The following ACBD3 variants were observed in gnomAD, a reference collection of about 807,000 sequenced individuals.
The protein encoded by ACBD3 is Golgi resident protein GCP60.
ACBD3 carries 30 observed loss-of-function variants against 66.9 expected under a neutral mutation model. The ratio of observed to expected loss-of-function variants is 0.45; its 90% CI spans 0.34 to 0.61. The LOEUF is 0.61. Ranked by LOEUF, ACBD3 falls within the 20% of genes least tolerant of loss-of-function variation. ACBD3 has a pLI of 0.02. For synonymous variants in ACBD3, 278 were observed against 259.8 expected (o/e 1.07, Z -0.68); for missense variants, 544 against 664.5 (o/e 0.82, Z 1.99).
chr1:226,178,949 T>G (rs1000531033), intron 1 of ACBD3, among the ~76,000 whole-genome samples: 2 of 152,186 alleles, frequency 1.3e-5, no homozygotes, highest in African/African-American at 4.8e-5. Flanking sequence ...ACAGGGTTTA[T>G]TTCCTGTCCT....
intron 2 of ACBD3, among the ~76,000 whole-genome samples, chr1:226,165,436 GC>G (rs1446841157): frequency 1.3e-5 from 2 of 152,104 alleles, no homozygotes; most frequent in African/African-American, 4.8e-5. Flanking sequence ...CTCCCAAAGT[GC>G]CGGGATTACA....
At chr1:226,150,276 T>C (rs1659545528) in intron 7 of ACBD3, among the ~76,000 whole-genome samples, 1 of 152,114 alleles carries the variant, frequency 6.6e-6, no homozygotes, top group South Asian at 2.1e-4. Context: ...ACAAAACGGG[T>C]TGCCCAGACT....
At position 226,176,429 on chromosome 1, in the gene ACBD3, CAAAAAAAAA is replaced by C. The variant is rs34313392; in HGVS notation, c.286+9952_286+9960del. Among the ~76,000 whole-genome samples the C allele has an allele frequency of 3.6e-5, 3 of 83,362 alleles. No individual in the cohort carries two copies. The Admixed American group carries it at 4.5e-4, about 12-fold the overall frequency. 54.7% of individuals were successfully genotyped at this position (83,362 alleles called of 152,430 possible). On this transcript the variant is annotated intron_variant, in intron 1 of 7. Transcript: ENST00000366812. ...TGGGCTACAGAGCGAGACTCCGTCT[CAAAAAAAAA>C]AAAAAAAAAAAGCTTTCAGGTGCTC... is the stretch of plus-strand genomic sequence containing the variant.
chr1:226,174,495 TG>T (rs1558130384), intron 1 of ACBD3, among the ~76,000 whole-genome samples: 1 of 152,202 alleles, frequency 6.6e-6, no homozygotes, highest in Non-Finnish European at 1.5e-5. Context: ...CCAGGTGTGG[TG>T]GCTCACGCCT....
intron 1 of ACBD3, among the ~76,000 whole-genome samples, chr1:226,173,202 T>C (rs923107950): frequency 3.9e-5 from 6 of 152,064 alleles, no homozygotes; most frequent in African/African-American, 7.2e-5. Flanking sequence ...ATCTTGGGCA[T>C]TGAGACTGTG....
Position 226,152,595 on chromosome 1 carries a change from G to A in ACBD3, c.1115C>T (p.Pro372Leu), listed in dbSNP as rs1206720845. 1 of 1,613,946 alleles carries A rather than the reference G, an allele frequency of 6.2e-7. No individual in the cohort carries two copies. Among genetic ancestry groups the A allele is most frequent in the Non-Finnish European group, 8.5e-7 (1 of 1,179,982 alleles). ...PKESLPVIAA[P>L]SMWTRPQIKD... The stretch of plus-strand genomic sequence containing the variant: ...GATCTGAGGTCGTGTCCACATGGAT[G>A]GAGCTGCTATTACTGGAAGAGATTC... The change falls in exon 7 of 8, where the codon CCA (proline) becomes CTA (leucine). Residue 372 changes from proline (P) to leucine (L), a missense_variant. Physicochemically the swap from Pro to Leu is moderately conservative, Grantham distance 98. Around this residue, in one of 3 missense-constraint regions of ACBD3, gnomAD observed 383 missense variants for 462.4 expected, o/e 0.83. Coordinates refer to ENST00000366812, the MANE Select transcript of ACBD3 (RefSeq NM_022735.4).
intron 1 of ACBD3, among the ~76,000 whole-genome samples, chr1:226,166,374 C>T (rs1659878537): frequency 6.6e-6 from 1 of 151,578 alleles, no homozygotes; most frequent in Non-Finnish European, 1.5e-5. Flanking sequence ...CTCAAGCAAG[C>T]CTCTCGTCTT....
At chr1:226,163,153 CAAG>C (rs1387301709) in intron 3 of ACBD3, among the ~76,000 whole-genome samples, 2 of 152,098 alleles carry the variant, frequency 1.3e-5, no homozygotes, top group Non-Finnish European at 2.9e-5. Context: ...TGGTACAGAG[CAAG>C]AAGGTTCACA....
In ACBD3 at chr1:226,186,683, T is replaced by G. The variant is rs1656327255; in HGVS notation, c.-8A>C. 2.0e-6 allele frequency: 3 copies of G among 1,492,354 alleles called. No homozygotes were observed. Among genetic ancestry groups the G allele is most frequent in the South Asian group, 1.3e-5 (1 of 80,000 alleles). 92.4% of individuals were successfully genotyped at this position (1,492,354 alleles called of 1,614,324 possible). A position where few individuals can be genotyped will look rare whatever the true frequency, so the allele number is the denominator to read the frequency against. On this transcript the variant is annotated 5_prime_UTR_variant, in exon 1 of 8. Transcript: ENST00000366812. ...GTTCAGCACCGCCGCCATCTCCGGCTGCTGCACCTCCTCAGCGGGGACAGA... is the reference window on the plus strand; with the variant it reads ...GTTCAGCACCGCCGCCATCTCCGGCGGCTGCACCTCCTCAGCGGGGACAGA...
Position 226,145,688 on chromosome 1 carries a change from A to G in ACBD3, c.*922T>C, listed in dbSNP as rs575358684. ...TAGACTGTCTCTGGCAGTGATTTCCATATTAGTGCAATGTTACTTCCCATA... is the reference window on the plus strand; with the variant it reads ...TAGACTGTCTCTGGCAGTGATTTCCGTATTAGTGCAATGTTACTTCCCATA... On this transcript the variant is annotated 3_prime_UTR_variant, in exon 8 of 8. Coordinates refer to ENST00000366812, the MANE Select transcript of ACBD3 (RefSeq NM_022735.4). The G allele has an allele frequency of 6.5e-6, 1 of 152,782 alleles. No individual in the cohort carries two copies. The highest frequency in any genetic ancestry group is 1.5e-5 in the Non-Finnish European group (1 of 68,032). 9.5% of individuals were successfully genotyped at this position (152,782 alleles called of 1,614,324 possible). A position where few individuals can be genotyped will look rare whatever the true frequency, so the allele number is the denominator to read the frequency against.
At chr1:226,184,954 C>CAAAAAAAA (rs56165469) in intron 1 of ACBD3, among the ~76,000 whole-genome samples, 1 of 91,184 alleles carries the variant, frequency 1.1e-5, no homozygotes. Flanking sequence ...GACTCCAGCT[C>CAAAAAAAA]AAAAAAAAAA....
At chr1:226,170,368 G>T (rs1408944963) in intron 1 of ACBD3, among the ~76,000 whole-genome samples, 2 of 144,720 alleles carry the variant, frequency 1.4e-5, no homozygotes, top group Non-Finnish European at 3.0e-5. Context: ...TAGAGACGGG[G>T]TTTCACCATG....
chr1:226,156,907 G>T (rs926534703), intron 5 of ACBD3, among the ~76,000 whole-genome samples: 5 of 152,052 alleles, frequency 3.3e-5, no homozygotes, highest in Non-Finnish European at 7.4e-5. Context: ...TTCTTGAAAG[G>T]CTCTAGCAGA....
chr1:226,154,867 C>G (rs755306290), intron 5 of ACBD3, 34 bp from the exon 6 acceptor site: 1 of 1,552,434 alleles, frequency 6.4e-7, no homozygotes, highest in South Asian at 1.2e-5. Context: ...ACACACTGAC[C>G]AGGAAGGCTA....
In ACBD3 at chr1:226,154,731, CA is replaced by C; in HGVS notation, c.1005del (p.Asn335LysfsTer34). 6.2e-7 allele frequency: 1 copy of C among 1,613,904 alleles called. No individual in the cohort carries two copies. Among genetic ancestry groups the C allele is most frequent in the Non-Finnish European group, 8.5e-7 (1 of 1,179,880 alleles). On this transcript the variant is annotated frameshift_variant, in exon 6 of 8. Coordinates refer to ENST00000366812, the MANE Select transcript of ACBD3 (RefSeq NM_022735.4). LOFTEE classifies it high-confidence loss of function. ...CTGTCAGTGTGTGTTTTGGCCTGTC[CA>C]TTAACTGACATCATATTACTTGGTA... The part of the protein sequence containing the change: ...ATVPSNMMSV[N>X]GQAKTHTDSS...
At chr1:226,180,104 G>T (rs1199013303) in intron 1 of ACBD3, among the ~76,000 whole-genome samples, 2 of 151,058 alleles carry the variant, frequency 1.3e-5, no homozygotes, top group African/African-American at 2.4e-5. Flanking sequence ...CTAGGAGGCG[G>T]AGGTTGCAGT....
intron 7 of ACBD3, 76 bp downstream of exon 7, chr1:226,152,259 G>A: frequency 6.5e-7 from 1 of 1,545,652 alleles, no homozygotes; most frequent in Non-Finnish European, 8.8e-7. Flanking sequence ...GCATAAGGCT[G>A]GGTGACACCT....
intron 7 of ACBD3, 27 bp downstream of exon 7, chr1:226,152,304 GCAGC>G: frequency 6.2e-7 from 1 of 1,607,864 alleles, no homozygotes; most frequent in Non-Finnish European, 8.5e-7. Context: ...ACACAACCCA[GCAGC>G]TACTGAATAT....
At chr1:226,184,436 T>C (rs546871424) in intron 1 of ACBD3, among the ~76,000 whole-genome samples, 2 of 152,302 alleles carry the variant, frequency 1.3e-5, no homozygotes, top group East Asian at 3.9e-4. Context: ...TGTAGCTTTA[T>C]TCTCTAAGGT....
Sources: gnomAD v4.1 joint callset for allele counts (sites outside exome capture counted in the v4.1 genomes callset) on GRCh38, gnomAD v4.1.1 for gene constraint, gnomAD v4.1.1 regional missense constraint, MANE v1.5 for transcripts, NCBI Gene and HGNC (gene_info 2026-07-23, HGNC 2026-07-21) for gene names.